Variants in CNTN1 observed in about 807,000 individuals in gnomAD.
The protein encoded by CNTN1 is contactin 1.
A neutral mutation model predicts 126.4 loss-of-function variants in CNTN1; 38 were observed. The observed-to-expected ratio is 0.30, with a 90% confidence interval of 0.23 to 0.39. The LOEUF (loss-of-function observed/expected upper bound fraction) is 0.39. Ranked by LOEUF, CNTN1 falls within the 10% of genes least tolerant of loss-of-function variation. The probability of loss-of-function intolerance (pLI) is 1.00; values close to 1 mark genes in which losing one functional copy is unlikely to be tolerated. For synonymous variants in CNTN1, 413 were observed against 422.6 expected (o/e 0.98, Z 0.28); for missense variants, 1,009 against 1,248.4 (o/e 0.81, Z 2.89).
At position 41,072,239 on chromosome 12, in the gene CNTN1, C is replaced by A. The variant is rs186545967; in HGVS notation, c.*2204C>A. ...ATAGGTATAGATACATCTGTTGTTTCTTTGTATTTCAGGAAAGGTGATAGT... is the reference window on the plus strand; with the variant it reads ...ATAGGTATAGATACATCTGTTGTTTATTTGTATTTCAGGAAAGGTGATAGT... On this transcript the variant is annotated 3_prime_UTR_variant, in exon 24 of 24. Transcript: ENST00000551295. 262 of 152,160 alleles carry A rather than the reference C, an allele frequency of 1.7e-3. No homozygotes were observed. The highest frequency in any genetic ancestry group is 6.0e-3 in the African/African-American group (249 of 41,532). The allele number at this position is 152,160 out of a possible 1,614,324, so 9.4% of individuals were successfully genotyped here.
intron 17 of CNTN1, 59 bp from the exon 18 acceptor site, chr12:41,014,169 A>G (rs992632047): frequency 3.9e-6 from 6 of 1,527,414 alleles, no homozygotes; most frequent in South Asian, 3.4e-5. Flanking sequence ...TAACACCAGG[A>G]AAAAAATGCA....
At chr12:40,826,834 G>A (rs751524560) in intron 1 of CNTN1, among the ~76,000 whole-genome samples, 22 of 152,234 alleles carry the variant, frequency 1.4e-4, no homozygotes, top group Non-Finnish European at 2.6e-4. Flanking sequence ...TTTTACAAAT[G>A]ATCAGGTGGA....
intron 1 of CNTN1, among the ~76,000 whole-genome samples, chr12:40,887,390 G>A (rs1371479366): frequency 4.6e-5 from 7 of 152,126 alleles, no homozygotes; most frequent in African/African-American, 9.7e-5. Flanking sequence ...AGACATTTAT[G>A]CAGCCAAAAA....
In CNTN1 at chr12:40,898,481, A is replaced by G. The variant is rs367887849; in HGVS notation, c.-76-9876A>G. On this transcript the variant is annotated intron_variant, in intron 1 of 23. Transcript: ENST00000551295. ...GTTAAATTGCACAATCATTGAGATT[A>G]ACTTATATATGTTTCAAATATAAAT... Among the ~76,000 whole-genome samples, 24 of 152,290 alleles carry G rather than the reference A, an allele frequency of 1.6e-4. No individual in the cohort carries two copies. In the East Asian group the frequency reaches 3.5e-3, roughly 22 times the overall value.
chr12:40,762,051 T>C (rs911414515), intron 1 of CNTN1, among the ~76,000 whole-genome samples: 2 of 152,210 alleles, frequency 1.3e-5, no homozygotes, highest in Non-Finnish European at 2.9e-5. Context: ...TTCCAGACTG[T>C]ATACACTTGT....
At chr12:40,772,972 GAATA>G (rs763162539) in intron 1 of CNTN1, among the ~76,000 whole-genome samples, 30 of 151,760 alleles carry the variant, frequency 2.0e-4, no homozygotes, top group Non-Finnish European at 3.5e-4. Context: ...TCGTGTGTGC[GAATA>G]TATATCGTGG....
rs539039285 is a variant in CNTN1, at chr12:40,796,928, G to A, written c.-77+104336G>A. The stretch of plus-strand genomic sequence containing the variant: ...ATCACTATTCTCAAGAGAAACTAAA[G>A]ATGTAAGAATTCAGAGCCACAGGTC... On this transcript the variant is annotated intron_variant, in intron 1 of 23. Transcript: ENST00000551295. Among the ~76,000 whole-genome samples, 7 of 152,158 alleles carry A rather than the reference G, an allele frequency of 4.6e-5. No individual in the cohort carries two copies. In the South Asian group the frequency reaches 1.0e-3, roughly 23 times the overall value.
intron 1 of CNTN1, among the ~76,000 whole-genome samples, chr12:40,750,632 C>T (rs1249990488): frequency 6.6e-6 from 1 of 151,642 alleles, no homozygotes; most frequent in Non-Finnish European, 1.5e-5. Context: ...GTGAGACCCC[C>T]ATCTCTATTT....
At chr12:40,830,722 T>C (rs1941781370) in intron 1 of CNTN1, among the ~76,000 whole-genome samples, 1 of 146,274 alleles carries the variant, frequency 6.8e-6, no homozygotes, top group South Asian at 2.2e-4. Context: ...AATATATTTG[T>C]ACTTATGTTG....
intron 14 of CNTN1, among the ~76,000 whole-genome samples, chr12:40,957,033 C>T (rs1379175677): frequency 1.3e-5 from 2 of 151,574 alleles, no homozygotes; most frequent in Non-Finnish European, 2.9e-5. Context: ...CCTAGAAGTT[C>T]CTGGAAAGTC....
intron 1 of CNTN1, among the ~76,000 whole-genome samples, chr12:40,771,482 A>G (rs937709962): frequency 2.0e-5 from 3 of 152,002 alleles, no homozygotes; most frequent in East Asian, 1.9e-4. Flanking sequence ...GAAACTCTAT[A>G]TATTTAAGAG....
chr12:40,984,565 G>A (rs1300480423), intron 16 of CNTN1, among the ~76,000 whole-genome samples: 1 of 152,138 alleles, frequency 6.6e-6, no homozygotes, highest in Non-Finnish European at 1.5e-5. Flanking sequence ...AGCTAATAAA[G>A]CAAGAACTCA....
At chr12:40,733,671 A>T (rs1017032916) in intron 1 of CNTN1, among the ~76,000 whole-genome samples, 1 of 152,046 alleles carries the variant, frequency 6.6e-6, no homozygotes, top group Non-Finnish European at 1.5e-5. Flanking sequence ...GATAAAAAAA[A>T]GTATATAATA....
At chr12:40,788,431 C>T (rs1940107219) in intron 1 of CNTN1, among the ~76,000 whole-genome samples, 1 of 152,062 alleles carries the variant, frequency 6.6e-6, no homozygotes. Context: ...TTCAGCCCTT[C>T]TGCAGGAGCC....
intron 23 of CNTN1, among the ~76,000 whole-genome samples, chr12:41,058,123 G>A (rs1949865312): frequency 6.6e-6 from 1 of 151,996 alleles, no homozygotes; most frequent in African/African-American, 2.4e-5. Flanking sequence ...GGAAAAACAG[G>A]TAAAGTGAAC....
chr12:40,976,074 A>G (rs985478974), intron 15 of CNTN1, among the ~76,000 whole-genome samples: 4 of 152,218 alleles, frequency 2.6e-5, no homozygotes, highest in African/African-American at 9.7e-5. Flanking sequence ...CATGCTTTAA[A>G]TAACTTTTTA....
chr12:40,818,071 C>A (rs1316034162), intron 1 of CNTN1, among the ~76,000 whole-genome samples: 2 of 152,002 alleles, frequency 1.3e-5, no homozygotes, highest in Non-Finnish European at 2.9e-5. Flanking sequence ...GGTGACCTGG[C>A]GTTTCTTTCT....
intron 1 of CNTN1, among the ~76,000 whole-genome samples, chr12:40,886,678 T>C (rs577410479): frequency 1.3e-5 from 2 of 152,336 alleles, no homozygotes; most frequent in Admixed American, 6.5e-5. Context: ...CTAGGTTTTC[T>C]TCTAGGGTTT....
At chr12:41,040,927 C>A (rs1394077419) in intron 23 of CNTN1, among the ~76,000 whole-genome samples, 4 of 143,338 alleles carry the variant, frequency 2.8e-5, no homozygotes, top group African/African-American at 1.1e-4. Context: ...GCCTAATTGC[C>A]CTGGCCAGAA....
Sources: allele counts gnomAD v4.1 joint callset (sites outside exome capture counted in the v4.1 genomes callset), GRCh38; gene constraint gnomAD v4.1.1; transcripts MANE v1.5; gene names NCBI Gene and HGNC (gene_info 2026-07-23, HGNC 2026-07-21).